Variants in SDK2 observed in about 807,000 individuals in gnomAD.
SDK2 encodes the protein protein sidekick-2.
A neutral mutation model predicts 253.9 loss-of-function variants in SDK2; 105 were observed. The ratio of observed to expected loss-of-function variants is 0.41; its 90% CI spans 0.35 to 0.49. SDK2 has a LOEUF of 0.49. Ranked by LOEUF, SDK2 falls within the 20% of genes least tolerant of loss-of-function variation. The pLI is 0.06. For synonymous variants in SDK2, 1,249 were observed against 1,234.9 expected (o/e 1.01, Z -0.24); for missense variants, 2,608 against 3,003.0 (o/e 0.87, Z 3.07).
intron 1 of SDK2, among the ~76,000 whole-genome samples, chr17:73,571,680 C>T (rs375164780): frequency 5.3e-5 from 8 of 152,358 alleles, no homozygotes; most frequent in East Asian, 3.9e-4. Flanking sequence ...ATGTGCCCAG[C>T]GGGGGCTACG....
chr17:73,436,050 G>A (rs910825917), intron 8 of SDK2, among the ~76,000 whole-genome samples: 1 of 152,036 alleles, frequency 6.6e-6, no homozygotes, highest in African/African-American at 2.4e-5. Context: ...CACTGCACCT[G>A]GCCTAATTTC....
rs1268380601 is a variant in SDK2 at position 73,395,047 on chromosome 17, C to A, written c.3592+108G>T. 1.3e-6 allele frequency: 1 copy of A among 798,172 alleles called. No individual in the cohort carries two copies. The highest frequency in any genetic ancestry group is 2.0e-6 in the Non-Finnish European group (1 of 502,230). The allele number at this position is 798,172 out of a possible 1,614,324, so 49.4% of individuals were successfully genotyped here. A position where few individuals can be genotyped will look rare whatever the true frequency, so the allele number is the denominator to read the frequency against. ...CATAAGCAGAGGAAATGAGCTCAGG[C>A]TGTTTTTGAACAACACCTTCAGCCT... On this transcript the variant is annotated intron_variant, in intron 25 of 44. Transcript: ENST00000392650. This position sits in a 1 kb window ranked among gnomAD's most constrained non-coding sequence, Gnocchi z 4.3.
In SDK2 at chr17:73,338,665, C is replaced by T; in HGVS notation, c.6441G>A (p.Gln2147=). ...PQNPPNPPSQ[Q]STLYRPPSSL... ...TGCTGGGGGGACGGTAGAGGGTGCTCTGCTGACTTGGGGGGTTAGGGGGGT... is the reference window on the plus strand; with the variant it reads ...TGCTGGGGGGACGGTAGAGGGTGCTTTGCTGACTTGGGGGGTTAGGGGGGT... The change falls in exon 45 of 45, where the codon CAG becomes CAA. Residue 2147 remains glutamine, a synonymous_variant. Coordinates refer to ENST00000392650, the MANE Select transcript of SDK2 (RefSeq NM_001144952.2). This position sits in a 1 kb window ranked among gnomAD's most constrained non-coding sequence, Gnocchi z 5.0. 8 of 1,576,980 alleles carry T rather than the reference C, an allele frequency of 5.1e-6. No homozygotes were observed. The highest frequency in any genetic ancestry group is 6.9e-6 in the Non-Finnish European group (8 of 1,162,580).
chr17:73,510,594 G>A (rs2063972722), intron 1 of SDK2, among the ~76,000 whole-genome samples: 1 of 152,132 alleles, frequency 6.6e-6, no homozygotes, highest in Non-Finnish European at 1.5e-5. Context: ...CGACCTCTGG[G>A]GCGCAGGTGA....
intron 1 of SDK2, among the ~76,000 whole-genome samples, chr17:73,531,327 G>A (rs1026698469): frequency 7.2e-5 from 11 of 152,072 alleles, no homozygotes; most frequent in Admixed American, 3.9e-4. Context: ...TATACTTAGC[G>A]GTCTTGTTTG....
At chr17:73,398,672 A>T (rs2145517791) in intron 22 of SDK2, among the ~76,000 whole-genome samples, 1 of 152,290 alleles carries the variant, frequency 6.6e-6, no homozygotes, top group East Asian at 1.9e-4. Flanking sequence ...CTGGAGTCAG[A>T]ATGAGTTTAA....
At chr17:73,422,220 G>A (rs376716856) in intron 15 of SDK2, 67 bp downstream of exon 15, 47 of 1,570,112 alleles carry the variant, frequency 3.0e-5, no homozygotes, top group Admixed American at 7.1e-5. Context: ...CTGCCACATC[G>A]GTTTCGGCTG....
In SDK2 at chr17:73,434,374, G is replaced by A. The variant is rs1389725685; in HGVS notation, c.1196-526C>T. On this transcript the variant is annotated intron_variant, in intron 9 of 44. Transcript: ENST00000392650. ...CCCCATCCCAGCCCTCAAGGAAGGA[G>A]CTCGCCAGATGGGCGTGGGAACAGA... 1.2e-4 allele frequency among the ~76,000 whole-genome samples: 18 copies of A among 152,358 alleles called. No homozygotes were observed. The East Asian group carries it at 2.9e-3, about 25-fold the overall frequency.
At chr17:73,525,681 T>C (rs1452091571) in intron 1 of SDK2, among the ~76,000 whole-genome samples, 2 of 151,952 alleles carry the variant, frequency 1.3e-5, no homozygotes, top group African/African-American at 4.8e-5. Context: ...CCCCGCAGGA[T>C]CCCATCCCTA....
At chr17:73,400,271 G>A (rs940226331) in intron 21 of SDK2, among the ~76,000 whole-genome samples, 2 of 152,146 alleles carry the variant, frequency 1.3e-5, no homozygotes, top group African/African-American at 2.4e-5. Context: ...AGTGGACCTC[G>A]GCTTGCTCTC....
intron 24 of SDK2, among the ~76,000 whole-genome samples, chr17:73,396,814 G>C (rs1190187527): frequency 6.6e-6 from 1 of 152,164 alleles, no homozygotes; most frequent in Non-Finnish European, 1.5e-5. Context: ...GCCTGGGGTG[G>C]GGATGCCTGG....
chr17:73,413,204 C>G (rs1043793380), intron 18 of SDK2, among the ~76,000 whole-genome samples: 1 of 151,950 alleles, frequency 6.6e-6, no homozygotes, highest in Admixed American at 6.6e-5. Context: ...CTCACAGGAG[C>G]GTGAACCCTG....
rs1443257970 is a variant in SDK2 at position 73,481,419 on chromosome 17, A to G, written c.225-9201T>C. Among the ~76,000 whole-genome samples, 1 of 152,168 alleles carries G rather than the reference A, an allele frequency of 6.6e-6. No homozygotes were observed. Among genetic ancestry groups the G allele is most frequent in the Non-Finnish European group, 1.5e-5 (1 of 68,024 alleles). ...TGACTGGGATGAAGGATGCCTGCCC[A>G]GACAGCTGGTAAAGGATGGTCTGGG... On this transcript the variant is annotated intron_variant, in intron 2 of 44. Coordinates refer to ENST00000392650, the MANE Select transcript of SDK2 (RefSeq NM_001144952.2). This position sits in a 1 kb window ranked among gnomAD's most constrained non-coding sequence, Gnocchi z 4.5.
At chr17:73,549,168 A>C (rs542261458) in intron 1 of SDK2, among the ~76,000 whole-genome samples, 86 of 152,348 alleles carry the variant, frequency 5.6e-4, no homozygotes, top group African/African-American at 2.0e-3. Context: ...TTCATTCATG[A>C]GAAAGCTCTT....
intron 2 of SDK2, among the ~76,000 whole-genome samples, chr17:73,478,216 T>C (rs1427992010): frequency 6.6e-6 from 1 of 152,210 alleles, no homozygotes; most frequent in Non-Finnish European, 1.5e-5. Flanking sequence ...CATGGCCTCC[T>C]GTAGGCACTG....
At position 73,340,734 on chromosome 17, in the gene SDK2, G is replaced by GTTTTTTTTTTTTTTTTT. The variant is rs10638504; in HGVS notation, c.6166-1811_6166-1795dup. ...ATTTTCATGTAATGAAAACCTTAAA[G>GTTTTTTTTTTTTTTTTT]TTTTTTTTTTTTTTTTTTTTTTTTT... On this transcript the variant is annotated intron_variant, in intron 44 of 44. Transcript: ENST00000392650. 2.6e-5 allele frequency among the ~76,000 whole-genome samples: 2 copies of GTTTTTTTTTTTTTTTTT among 77,550 alleles called. 1 individual carries two copies. Among genetic ancestry groups the GTTTTTTTTTTTTTTTTT allele is most frequent in the Non-Finnish European group, 4.4e-5 (2 of 45,076 alleles). The allele number at this position is 77,550 out of a possible 152,430, so 50.9% of individuals were successfully genotyped here.
chr17:73,355,852 A>C lies in SDK2; in HGVS notation c.5593+2227T>G, dbSNP rs193300616. On this transcript the variant is annotated intron_variant, in intron 40 of 44. Coordinates refer to ENST00000392650, the MANE Select transcript of SDK2 (RefSeq NM_001144952.2). Reference sequence around the variant, plus strand: ...ATTAGCTGCCCAGTTTCGGAACTTCATGCCTTGAAATTTTAGTACTGGGGT... The same window carrying C: ...ATTAGCTGCCCAGTTTCGGAACTTCCTGCCTTGAAATTTTAGTACTGGGGT... Among the ~76,000 whole-genome samples the C allele has an allele frequency of 1.6e-3, 237 of 152,240 alleles. 1 individual carries two copies. The highest frequency in any genetic ancestry group is 5.5e-3 in the African/African-American group (229 of 41,554).
intron 18 of SDK2, among the ~76,000 whole-genome samples, chr17:73,411,785 G>T (rs113278412): frequency 0.025 from 1,649 of 64,808 alleles, 34 homozygotes; most frequent in African/African-American, 0.086. Flanking sequence ...TATTATTACT[G>T]CTATTTTTTT....
chr17:73,472,681 C>A (rs149913742), intron 2 of SDK2, among the ~76,000 whole-genome samples: 1 of 152,196 alleles, frequency 6.6e-6, no homozygotes, highest in East Asian at 1.9e-4. Flanking sequence ...CAGTATCATT[C>A]CTTTCTTAAA....
Sources: gnomAD v4.1 joint callset for allele counts (sites outside exome capture counted in the v4.1 genomes callset) on GRCh38, gnomAD v4.1.1 for gene constraint, Gnocchi (gnomAD v3.1) non-coding constraint, MANE v1.5 for transcripts, NCBI Gene and HGNC (gene_info 2026-07-23, HGNC 2026-07-21) for gene names.